Variants in LIPE observed in about 807,000 individuals in gnomAD.
The protein encoded by LIPE is lipase E, hormone sensitive type, also known as hormone-sensitive lipase.
Under a neutral mutation model 88.5 loss-of-function variants are expected in LIPE, and 66 were observed. That is an observed-to-expected ratio of 0.75 (90% CI 0.61 to 0.91). LIPE has a LOEUF of 0.91. Ranked by LOEUF, LIPE falls within the 40% of genes least tolerant of loss-of-function variation. The pLI, the probability that LIPE is intolerant of heterozygous loss-of-function variation, is 0.00. For missense variants in LIPE, 1,346 were observed against 1,434.7 expected, an observed-to-expected ratio of 0.94 and a Z score of 1.00; for synonymous variants, 570 against 617.5, an observed-to-expected ratio of 0.92 and a Z score of 1.14.
chr19:42,403,109 G>T, intron 8 of LIPE, 78 bp from the exon 9 acceptor site: 1 of 1,401,728 alleles, frequency 7.1e-7, no homozygotes, highest in Non-Finnish European at 9.6e-7. Flanking sequence ...CCATGGGAAG[G>T]GCAGTCGCCT....
Position 42,424,433 on chromosome 19 carries a change from G to A in LIPE, c.883+1834C>T, listed in dbSNP as rs1306283125. 8.8e-6 allele frequency: 4 copies of A among 456,138 alleles called. No individual in the cohort carries two copies. In the Admixed American group the frequency reaches 9.4e-5, roughly 11 times the overall value. The allele number at this position is 456,138 out of a possible 1,614,324, so 28.3% of individuals were successfully genotyped here. A position where few individuals can be genotyped will look rare whatever the true frequency, so the allele number is the denominator to read the frequency against. Reference sequence around the variant, plus strand: ...CCTGAAAGGCAACCTCGCCCGCCGCGGTGGTGTGGGGCGGGCATCCCTTGA... The same window carrying A: ...CCTGAAAGGCAACCTCGCCCGCCGCAGTGGTGTGGGGCGGGCATCCCTTGA... On this transcript the variant is annotated intron_variant, in intron 1 of 9. Coordinates refer to ENST00000244289, the MANE Select transcript of LIPE (RefSeq NM_005357.4).
intron 2 of LIPE, among the ~76,000 whole-genome samples, chr19:42,409,768 C>T (rs2040314573): frequency 6.6e-6 from 1 of 152,178 alleles, no homozygotes; most frequent in South Asian, 2.1e-4. Flanking sequence ...GAGGAGCTGG[C>T]TGGCCCAGCT....
chr19:42,427,106 G>A lies in LIPE; in HGVS notation c.44C>T (p.Pro15Leu). The change falls in exon 1 of 10, where the codon CCT (proline) becomes CTT (leucine). Residue 15 changes from proline to leucine, a missense_variant. Pro to Leu is a moderately conservative substitution (Grantham distance 98). Transcript: ENST00000244289. ...SKSVSRSDWQ[P>L]EPHQRPITPL... ...GGTTATAGGCCTCTGGTGTGGTTCAGGTTGCCAGTCTGACCTAGACACTGA... is the reference window on the plus strand; with the variant it reads ...GGTTATAGGCCTCTGGTGTGGTTCAAGTTGCCAGTCTGACCTAGACACTGA... The A allele has an allele frequency of 2.5e-6, 4 of 1,611,908 alleles. No individual in the cohort carries two copies. Among genetic ancestry groups the A allele is most frequent in the Non-Finnish European group, 3.4e-6 (4 of 1,179,446 alleles).
intron 1 of LIPE, among the ~76,000 whole-genome samples, chr19:42,419,007 C>T (rs192417374): frequency 1.8e-3 from 272 of 152,066 alleles, no homozygotes; most frequent in Middle Eastern, 3.4e-3. Context: ...GGCCGGGCGC[C>T]GTGGCTCACA....
intron 2 of LIPE, among the ~76,000 whole-genome samples, chr19:42,409,518 T>C (rs1220326369): frequency 6.6e-6 from 1 of 151,846 alleles, no homozygotes; most frequent in Non-Finnish European, 1.5e-5. Flanking sequence ...GCCAAGTTCC[T>C]ACTGCATGCT....
chr19:42,416,188 C>CA (rs2040483516), intron 1 of LIPE, among the ~76,000 whole-genome samples: 1 of 151,924 alleles, frequency 6.6e-6, no homozygotes, highest in African/African-American at 2.4e-5. Context: ...ACTTAAAATA[C>CA]AAAAAAGAAG....
intron 1 of LIPE, among the ~76,000 whole-genome samples, chr19:42,420,829 ACACC>A (rs2040584134): frequency 6.6e-6 from 1 of 151,932 alleles, no homozygotes. Flanking sequence ...CAACCCTTCA[ACACC>A]CCCTCCCTTG....
chr19:42,409,743 C>T (rs533786155), intron 2 of LIPE, among the ~76,000 whole-genome samples: 6 of 152,314 alleles, frequency 3.9e-5, no homozygotes, highest in Non-Finnish European at 8.8e-5. Flanking sequence ...TCTAGGGTCA[C>T]GGCTGGGACA....
rs763915648 is a variant in LIPE at position 42,408,401 on chromosome 19, C to T, written c.1420-79G>A. Reference sequence around the variant, plus strand: ...GGCAGGAGCGAGGCACAGGGATGTGCGGGGAAGACACATTCATTCAGTAAA... The same window carrying T: ...GGCAGGAGCGAGGCACAGGGATGTGTGGGGAAGACACATTCATTCAGTAAA... On this transcript the variant is annotated intron_variant, in intron 2 of 9. Coordinates refer to ENST00000244289, the MANE Select transcript of LIPE (RefSeq NM_005357.4). This position sits in a 1 kb window ranked among gnomAD's most constrained non-coding sequence, Gnocchi z 4.3. 7.1e-6 allele frequency: 8 copies of T among 1,129,052 alleles called. No homozygotes were observed. Among genetic ancestry groups the T allele is most frequent in the Admixed American group, 3.4e-5 (2 of 59,142 alleles). The allele number at this position is 1,129,052 out of a possible 1,614,324, so 69.9% of individuals were successfully genotyped here.
rs1393662483 is a variant in LIPE, at chr19:42,427,177, T to C, written c.-28A>G. ...TTATTTCCCTCACGGGAGATATTGA[T>C]CTTCCAGGTTCTATCCTTCTGGGCT... On this transcript the variant is annotated 5_prime_UTR_variant, in exon 1 of 10. Coordinates refer to ENST00000244289, the MANE Select transcript of LIPE (RefSeq NM_005357.4). 6.4e-7 allele frequency: 1 copy of C among 1,552,810 alleles called. No homozygotes were observed. The highest frequency in any genetic ancestry group is 8.7e-7 in the Non-Finnish European group (1 of 1,154,598).
At chr19:42,418,627 A>T (rs1428539718) in intron 1 of LIPE, among the ~76,000 whole-genome samples, 1 of 152,182 alleles carries the variant, frequency 6.6e-6, no homozygotes, top group Non-Finnish European at 1.5e-5. Context: ...TAGCCTGGGC[A>T]ACATAGTGAG....
At position 42,401,743 on chromosome 19, in the gene LIPE, CGCGT is replaced by C; in HGVS notation, c.*65_*68del. 2 of 1,184,690 alleles carry C rather than the reference CGCGT, an allele frequency of 1.7e-6. No homozygotes were observed. The allele number at this position is 1,184,690 out of a possible 1,614,324, so 73.4% of individuals were successfully genotyped here. A position where few individuals can be genotyped will look rare whatever the true frequency, so the allele number is the denominator to read the frequency against. On this transcript the variant is annotated 3_prime_UTR_variant, in exon 10 of 10. Coordinates refer to ENST00000244289, the MANE Select transcript of LIPE (RefSeq NM_005357.4). ...CCCCCGACTTAAGTAAGGCACAGCCCGCGTCCCCTTCCGCCCGGCCCGGAAGGCA... is the reference window on the plus strand; with the variant it reads ...CCCCCGACTTAAGTAAGGCACAGCCCCCCCTTCCGCCCGGCCCGGAAGGCA...
intron 1 of LIPE, among the ~76,000 whole-genome samples, chr19:42,415,682 T>C (rs757665485): frequency 2.6e-5 from 4 of 151,770 alleles, no homozygotes; most frequent in South Asian, 2.1e-4. Context: ...TGGTGGTGGG[T>C]GCCTGTAGTC....
At chr19:42,415,586 G>A (rs939069344) in intron 1 of LIPE, among the ~76,000 whole-genome samples, 11 of 152,238 alleles carry the variant, frequency 7.2e-5, no homozygotes, top group Non-Finnish European at 1.5e-4. Flanking sequence ...CGAGGCGGGC[G>A]GATCACGAAG....
rs57282318 is a variant in LIPE at position 42,405,976 on chromosome 19, T to TCA, written c.2365+183_2365+184dup. The TCA allele has an allele frequency of 0.072, 29,549 of 413,228 alleles. 475 individuals are homozygous for TCA. The highest frequency in any genetic ancestry group is 0.081 in the Middle Eastern group (116 of 1,426). The allele number at this position is 413,228 out of a possible 1,614,324, so 25.6% of individuals were successfully genotyped here. On this transcript the variant is annotated intron_variant, in intron 7 of 9. Transcript: ENST00000244289. ...GTGTCTGTCTGTCTCTCTCTCTCTC[T>TCA]CACACACACACACACACACACACAC...
Position 42,410,238 on chromosome 19 carries a change from A to G in LIPE, c.1419+69T>C. The G allele has an allele frequency of 7.0e-7, 1 of 1,438,432 alleles. No homozygotes were observed. The highest frequency in any genetic ancestry group is 9.3e-7 in the Non-Finnish European group (1 of 1,070,904). The allele number at this position is 1,438,432 out of a possible 1,614,324, so 89.1% of individuals were successfully genotyped here. On this transcript the variant is annotated intron_variant, in intron 2 of 9. Coordinates refer to ENST00000244289, the MANE Select transcript of LIPE (RefSeq NM_005357.4). This position sits in a 1 kb window ranked among gnomAD's most constrained non-coding sequence, Gnocchi z 6.1. ...TGACCACTGGTTACTTTACCATACT[A>G]TAGGCCAGGCCAGGGGCCACCAGGT...
intron 1 of LIPE, among the ~76,000 whole-genome samples, chr19:42,416,479 G>A (rs2040490239): frequency 6.6e-6 from 1 of 152,170 alleles, no homozygotes; most frequent in Non-Finnish European, 1.5e-5. Flanking sequence ...AAAACCACCA[G>A]GTATTGGAAG....
intron 8 of LIPE, 75 bp downstream of exon 8, chr19:42,405,310 C>T (rs2040133650): frequency 6.8e-7 from 1 of 1,476,286 alleles, no homozygotes. Flanking sequence ...CAGCATCTTC[C>T]CTGGGACTTT....
rs191494677 is a variant in LIPE, at chr19:42,423,587, C to A, written c.883+2680G>T. The stretch of plus-strand genomic sequence containing the variant: ...GGCCAATTCCAGCCGCGAGGCCCTG[C>A]CCGGAGGGCCAATCCTCGCTACACA... On this transcript the variant is annotated intron_variant, in intron 1 of 9. Coordinates refer to ENST00000244289, the MANE Select transcript of LIPE (RefSeq NM_005357.4). 1.1e-5 allele frequency: 13 copies of A among 1,213,196 alleles called. No individual in the cohort carries two copies. In the Admixed American group the frequency reaches 1.6e-4, roughly 15 times the overall value. 75.2% of individuals were successfully genotyped at this position (1,213,196 alleles called of 1,614,324 possible). A position where few individuals can be genotyped will look rare whatever the true frequency, so the allele number is the denominator to read the frequency against.
Sources: allele counts gnomAD v4.1 joint callset (sites outside exome capture counted in the v4.1 genomes callset), GRCh38; gene constraint gnomAD v4.1.1; non-coding constraint Gnocchi (gnomAD v3.1); transcripts MANE v1.5; gene names NCBI Gene and HGNC (gene_info 2026-07-23, HGNC 2026-07-21).